The following RAMP1 variants were observed in gnomAD, a reference collection of about 807,000 sequenced individuals.
RAMP1 encodes the protein receptor activity-modifying protein 1.
RAMP1 carries 7 observed loss-of-function variants against 8.2 expected under a neutral mutation model. That is an observed-to-expected ratio of 0.85 (90% CI 0.49 to 1.60). The LOEUF is 1.60. RAMP1 is among the 40% of genes most tolerant of loss of function. RAMP1 has a pLI of 0.00. For synonymous variants in RAMP1, 92 were observed against 84.7 expected, an observed-to-expected ratio of 1.09 and a Z score of -0.47; for missense variants, 192 against 202.4, an observed-to-expected ratio of 0.95 and a Z score of 0.31.
intron 1 of RAMP1, among the ~76,000 whole-genome samples, chr2:237,864,714 C>A (rs964990431): frequency 6.6e-6 from 1 of 152,232 alleles, no homozygotes; most frequent in Non-Finnish European, 1.5e-5. Context: ...TGATCCCACA[C>A]CAAATGTCCA....
At chr2:237,900,404 G>T (rs981741130) in intron 2 of RAMP1, among the ~76,000 whole-genome samples, 2 of 152,116 alleles carry the variant, frequency 1.3e-5, no homozygotes, top group African/African-American at 4.8e-5. Context: ...CAAGTGATCT[G>T]CCCACCTCGG....
chr2:237,861,179 CTA>C (rs886920549), intron 1 of RAMP1, among the ~76,000 whole-genome samples: 2 of 152,144 alleles, frequency 1.3e-5, no homozygotes, highest in African/African-American at 4.8e-5. Context: ...AAATAAAACA[CTA>C]TGTCACGATC....
intron 2 of RAMP1, among the ~76,000 whole-genome samples, chr2:237,909,505 G>A (rs2062688133): frequency 6.6e-6 from 1 of 152,130 alleles, no homozygotes; most frequent in Non-Finnish European, 1.5e-5. Context: ...AACGCCAGAG[G>A]GGCCTTTCTT....
chr2:237,872,220 C>T (rs1313090159), intron 1 of RAMP1, among the ~76,000 whole-genome samples: 1 of 152,198 alleles, frequency 6.6e-6, no homozygotes, highest in Non-Finnish European at 1.5e-5. Flanking sequence ...GGAGAGGCGG[C>T]TCGGCAGCCT....
chr2:237,885,978 A>G lies in RAMP1; in HGVS notation c.191+8616A>G, dbSNP rs1026835412. ...GCCGGGTCCTCGAAGACTCCAGGCT[A>G]TGGCTTACAGAGGAGAAGGGGGCAG... On this transcript the variant is annotated intron_variant, in intron 2 of 2. Coordinates refer to ENST00000254661, the MANE Select transcript of RAMP1 (RefSeq NM_005855.4). 4.6e-5 allele frequency among the ~76,000 whole-genome samples: 7 copies of G among 152,268 alleles called. No homozygotes were observed. The South Asian group carries it at 1.5e-3, about 32-fold the overall frequency.
chr2:237,909,649 C>T (rs1027082593), intron 2 of RAMP1, among the ~76,000 whole-genome samples: 2 of 152,160 alleles, frequency 1.3e-5, no homozygotes, highest in Admixed American at 6.5e-5. Flanking sequence ...TCAGTTTCCT[C>T]TGCTGCAAGA....
chr2:237,905,087 A>C (rs776848089), intron 2 of RAMP1, among the ~76,000 whole-genome samples: 3 of 152,196 alleles, frequency 2.0e-5, no homozygotes, highest in Non-Finnish European at 4.4e-5. Flanking sequence ...GGAACATTCC[A>C]AGCAAAGTTT....
intron 1 of RAMP1, 90 bp downstream of exon 1, chr2:237,859,817 T>C: frequency 2.2e-6 from 1 of 462,066 alleles, no homozygotes; most frequent in South Asian, 3.2e-5. Flanking sequence ...TGGGAGCGGG[T>C]GGGAGCGGGT....
At chr2:237,871,898 G>A (rs1336580861) in intron 1 of RAMP1, among the ~76,000 whole-genome samples, 1 of 152,200 alleles carries the variant, frequency 6.6e-6, no homozygotes, top group African/African-American at 2.4e-5. Flanking sequence ...ATACGGTGAT[G>A]GTTGTACACC....
intron 2 of RAMP1, among the ~76,000 whole-genome samples, chr2:237,906,299 G>A (rs545227867): frequency 6.9e-4 from 105 of 152,170 alleles, no homozygotes; most frequent in African/African-American, 2.5e-3. Flanking sequence ...CCCTCCTCAT[G>A]CCTCATCTAC....
chr2:237,867,810 T>C (rs1261302924), intron 1 of RAMP1, among the ~76,000 whole-genome samples: 1 of 152,186 alleles, frequency 6.6e-6, no homozygotes, highest in Non-Finnish European at 1.5e-5. Flanking sequence ...TACTTTACCT[T>C]GGGAGTTTTA....
intron 1 of RAMP1, among the ~76,000 whole-genome samples, chr2:237,873,850 C>T (rs953197067): frequency 5.3e-5 from 8 of 152,324 alleles, no homozygotes; most frequent in South Asian, 2.1e-4. Flanking sequence ...AAGCATTCTT[C>T]GCCTGTACCT....
rs1559940117 is a variant in RAMP1 at position 237,877,216 on chromosome 2, T to C, written c.53-8T>C. Reference sequence around the variant, plus strand: ...CCCGCCATCTCTTCATGGCCGTGTCTATTTCAGCCCATCACCTCTTCATGA... The same window carrying C: ...CCCGCCATCTCTTCATGGCCGTGTCCATTTCAGCCCATCACCTCTTCATGA... On this transcript the variant is annotated splice_region_variant and splice_polypyrimidine_tract_variant and intron_variant, in intron 1 of 2. Coordinates refer to ENST00000254661, the MANE Select transcript of RAMP1 (RefSeq NM_005855.4). The surrounding 1 kb of genome is among the most constrained non-coding windows in gnomAD (Gnocchi z 4.4). 1.9e-6 allele frequency: 3 copies of C among 1,613,776 alleles called. No individual in the cohort carries two copies. The highest frequency in any genetic ancestry group is 1.7e-6 in the Non-Finnish European group (2 of 1,179,998).
intron 2 of RAMP1, among the ~76,000 whole-genome samples, chr2:237,879,984 TG>T (rs2062350628): frequency 1.0e-5 from 1 of 98,702 alleles, no homozygotes; most frequent in South Asian, 3.4e-4. Flanking sequence ...AGTGAGACTT[TG>T]TCTCAAAAAA....
Position 237,859,663 on chromosome 2 carries a change from A to C in RAMP1, c.-13A>C. ...GCGTGGCGAGCGGACTCGACTCGGCACCGCTGTGCACCATGGCCCGGGCCC... is the reference window on the plus strand; with the variant it reads ...GCGTGGCGAGCGGACTCGACTCGGCCCCGCTGTGCACCATGGCCCGGGCCC... On this transcript the variant is annotated 5_prime_UTR_variant, in exon 1 of 3. Coordinates refer to ENST00000254661, the MANE Select transcript of RAMP1 (RefSeq NM_005855.4). The C allele has an allele frequency of 6.8e-7, 1 of 1,472,102 alleles. No individual in the cohort carries two copies. The allele number at this position is 1,472,102 out of a possible 1,614,324, so 91.2% of individuals were successfully genotyped here.
At chr2:237,895,492 G>T (rs990985300) in intron 2 of RAMP1, among the ~76,000 whole-genome samples, 1 of 152,214 alleles carries the variant, frequency 6.6e-6, no homozygotes, top group South Asian at 2.1e-4. Flanking sequence ...ACTCAGTGTT[G>T]CCCTGAGCTC....
At chr2:237,904,393 T>C (rs1266707090) in intron 2 of RAMP1, among the ~76,000 whole-genome samples, 1 of 151,984 alleles carries the variant, frequency 6.6e-6, no homozygotes, top group Non-Finnish European at 1.5e-5. Flanking sequence ...GACTCCATCC[T>C]GGGCAACAGA....
intron 2 of RAMP1, among the ~76,000 whole-genome samples, chr2:237,886,049 G>T (rs1181792607): frequency 6.6e-6 from 1 of 152,184 alleles, no homozygotes; most frequent in East Asian, 1.9e-4. Context: ...CATGCAGCTC[G>T]CGCAGTGACA....
intron 2 of RAMP1, among the ~76,000 whole-genome samples, chr2:237,887,207 A>G (rs569778994): frequency 1.3e-5 from 2 of 152,158 alleles, no homozygotes; most frequent in South Asian, 4.2e-4. Context: ...GTCCCCTCCT[A>G]ATGCTGACCT....
Sources: gnomAD v4.1 joint callset for allele counts (sites outside exome capture counted in the v4.1 genomes callset) on GRCh38, gnomAD v4.1.1 for gene constraint, Gnocchi (gnomAD v3.1) non-coding constraint, MANE v1.5 for transcripts, NCBI Gene and HGNC (gene_info 2026-07-23, HGNC 2026-07-21) for gene names.